ZBTB20: variants seen among roughly 807,000 people sequenced by gnomAD.
ZBTB20 encodes the protein zinc finger and BTB domain containing 20, also known as zinc finger and BTB domain-containing protein 20.
Under a neutral mutation model 56.9 loss-of-function variants are expected in ZBTB20, and 9 were observed. The observed-to-expected ratio is 0.16, with a 90% CI of 0.10 to 0.28. The LOEUF (loss-of-function observed/expected upper bound fraction) is 0.28. Ranked by LOEUF, ZBTB20 falls within the 10% of genes least tolerant of loss-of-function variation. The probability of loss-of-function intolerance (pLI) is 1.00; values close to 1 mark genes in which losing one functional copy is unlikely to be tolerated. For missense variants in ZBTB20, 655 were observed against 1,003.0 expected (o/e 0.65, Z 4.69); for synonymous variants, 417 against 420.7 (o/e 0.99, Z 0.11).
intron 10 of ZBTB20, among the ~76,000 whole-genome samples, chr3:114,368,722 G>C (rs2108415352): frequency 6.6e-6 from 1 of 152,366 alleles, no homozygotes; most frequent in East Asian, 1.9e-4. Flanking sequence ...CTCTGGAGCA[G>C]GGCTGGAAGT....
intron 10 of ZBTB20, among the ~76,000 whole-genome samples, chr3:114,358,280 C>T (rs571469471): frequency 1.3e-4 from 20 of 152,048 alleles, no homozygotes; most frequent in Non-Finnish European, 2.6e-4. Context: ...GCTGTCATAC[C>T]ACGAAGTTTT....
At chr3:114,396,011 C>A (rs1481378579) in intron 7 of ZBTB20, among the ~76,000 whole-genome samples, 4 of 152,000 alleles carry the variant, frequency 2.6e-5, no homozygotes, top group Admixed American at 6.6e-5. Context: ...AACACACACA[C>A]CCACACACCC....
chr3:114,380,396 G>A lies in ZBTB20; in HGVS notation c.20C>T (p.Pro7Leu). 2 of 1,524,966 alleles carry A rather than the reference G, an allele frequency of 1.3e-6. No individual in the cohort carries two copies. Among genetic ancestry groups the A allele is most frequent in the Non-Finnish European group, 1.8e-6 (2 of 1,141,190 alleles). 94.5% of individuals were successfully genotyped at this position (1,524,966 alleles called of 1,614,324 possible). MLERKK[P>L]KTAENQKASE... ...TGCCTTCTGGTTTTCAGCTGTCTTG[G>A]GTTTCTTCCTGAAAATAAACAAAGG... Residue 7 changes from proline (P) to leucine (L), a missense_variant, in exon 10 of 12, where the codon CCC (proline) becomes CTC (leucine). This residue lies in a region of ZBTB20 where 79 missense variants were observed against 78.4 expected (regional missense o/e 1.01). Coordinates refer to ENST00000675478, the MANE Select transcript of ZBTB20 (RefSeq NM_001348800.3).
In ZBTB20 at chr3:114,938,391, T is replaced by A. The variant is rs779497665; in HGVS notation, c.-456+35975A>T. Among the ~76,000 whole-genome samples, 10 of 146,094 alleles carry A rather than the reference T, an allele frequency of 6.8e-5. 1 individual carries two copies. Among genetic ancestry groups the A allele is most frequent in the African/African-American group, 1.4e-4 (5 of 35,818 alleles). On this transcript the variant is annotated intron_variant, in intron 3 of 11. Coordinates refer to ENST00000675478, the MANE Select transcript of ZBTB20 (RefSeq NM_001348800.3). ...GTATCACCTAGGTTTTCTTCTAGGGTTTTTATGGTTTTAGGTCTTACGTCT... is the reference window on the plus strand; with the variant it reads ...GTATCACCTAGGTTTTCTTCTAGGGATTTTATGGTTTTAGGTCTTACGTCT...
rs752992750 is a variant in ZBTB20 at position 115,106,827 on chromosome 3, G to C, written c.-702-35413C>G. 7.6e-4 allele frequency among the ~76,000 whole-genome samples: 116 copies of C among 152,102 alleles called. 3 individuals are homozygous for C. The highest frequency in any genetic ancestry group is 2.5e-4 in the Non-Finnish European group (17 of 68,022). On this transcript the variant is annotated intron_variant, in intron 1 of 11. Transcript: ENST00000675478. ...CTTCCCCTCTGCCCCCCAGAGCAGA[G>C]ACCCTACTTATTAAGCTTTGTTGGT...
At chr3:114,789,449 C>T (rs1032211059) in intron 5 of ZBTB20, among the ~76,000 whole-genome samples, 3 of 152,048 alleles carry the variant, frequency 2.0e-5, no homozygotes, top group African/African-American at 7.2e-5. Context: ...CAAAGCAGAA[C>T]ATCTGGGTGG....
At chr3:114,576,451 G>A (rs548069545) in intron 6 of ZBTB20, among the ~76,000 whole-genome samples, 1 of 127,778 alleles carries the variant, frequency 7.8e-6, no homozygotes, top group Non-Finnish European at 1.6e-5. Context: ...GCAGTGAGTC[G>A]AGATCGCGCC....
chr3:114,856,560 A>T (rs904660014), intron 4 of ZBTB20, among the ~76,000 whole-genome samples: 43 of 146,158 alleles, frequency 2.9e-4, no homozygotes, highest in Non-Finnish European at 4.2e-4. Flanking sequence ...AAAGAAAATT[A>T]AAAAAAGATA....
intron 5 of ZBTB20, among the ~76,000 whole-genome samples, chr3:114,733,313 TGGA>T (rs1289697344): frequency 6.6e-6 from 1 of 152,198 alleles, no homozygotes; most frequent in Non-Finnish European, 1.5e-5. Flanking sequence ...TAAGCCTACC[TGGA>T]TACCCAACGC....
chr3:114,846,834 C>T (rs547969672), intron 4 of ZBTB20, among the ~76,000 whole-genome samples: 2 of 152,086 alleles, frequency 1.3e-5, no homozygotes, highest in African/African-American at 4.8e-5. Flanking sequence ...TTGCATTTCT[C>T]ATAAAAGGAA....
intron 2 of ZBTB20, among the ~76,000 whole-genome samples, chr3:115,070,279 TTCC>T (rs752513916): frequency 0.015 from 2,338 of 152,278 alleles, 33 homozygotes; most frequent in South Asian, 0.05. Flanking sequence ...TAAAAAGTCT[TTCC>T]AAAGCACCAA....
chr3:114,423,674 T>C (rs2089388893), intron 7 of ZBTB20, among the ~76,000 whole-genome samples: 1 of 152,216 alleles, frequency 6.6e-6, no homozygotes, highest in South Asian at 2.1e-4. Flanking sequence ...AATTATTACA[T>C]ACTTCAGGAG....
At chr3:114,935,397 C>T (rs901046831) in intron 3 of ZBTB20, among the ~76,000 whole-genome samples, 2 of 152,128 alleles carry the variant, frequency 1.3e-5, no homozygotes, top group Non-Finnish European at 2.9e-5. Flanking sequence ...TGAAATTCCA[C>T]TCCAATTATT....
chr3:114,874,557 CT>C (rs1288537936), intron 4 of ZBTB20, among the ~76,000 whole-genome samples: 1 of 152,162 alleles, frequency 6.6e-6, no homozygotes, highest in Non-Finnish European at 1.5e-5. Context: ...ACATAAAACC[CT>C]TATTGTCATA....
At chr3:115,086,042 A>G (rs1478585013) in intron 1 of ZBTB20, among the ~76,000 whole-genome samples, 1 of 151,908 alleles carries the variant, frequency 6.6e-6, no homozygotes, top group Non-Finnish European at 1.5e-5. Context: ...CTTCAGCAGT[A>G]ATTTCTTAGA....
chr3:114,337,695 T>C lies in ZBTB20; in HGVS notation c.*1310A>G, dbSNP rs1370373793. Reference sequence around the variant, plus strand: ...TTAAAATAATAAAAATTAAGAAAAATTAAAAAAAATATGAAGAAAATATCC... The same window carrying C: ...TTAAAATAATAAAAATTAAGAAAAACTAAAAAAAATATGAAGAAAATATCC... On this transcript the variant is annotated 3_prime_UTR_variant, in exon 12 of 12. Coordinates refer to ENST00000675478, the MANE Select transcript of ZBTB20 (RefSeq NM_001348800.3). The C allele has an allele frequency of 1.3e-5, 2 of 151,816 alleles. No homozygotes were observed. The highest frequency in any genetic ancestry group is 4.8e-5 in the African/African-American group (2 of 41,360). 9.4% of individuals were successfully genotyped at this position (151,816 alleles called of 1,614,324 possible).
intron 1 of ZBTB20, among the ~76,000 whole-genome samples, chr3:115,089,755 T>C (rs563132036): frequency 3.1e-4 from 47 of 151,952 alleles, no homozygotes; most frequent in African/African-American, 1.0e-3. Context: ...TGCAACAAAG[T>C]TGTTGTATGC....
intron 2 of ZBTB20, among the ~76,000 whole-genome samples, chr3:114,990,501 T>A (rs1236497273): frequency 6.6e-6 from 1 of 152,222 alleles, no homozygotes; most frequent in Non-Finnish European, 1.5e-5. Flanking sequence ...TGGATTCGGT[T>A]TGCCAGTATT....
intron 4 of ZBTB20, among the ~76,000 whole-genome samples, chr3:114,883,041 G>A (rs1481263863): frequency 6.6e-6 from 1 of 152,094 alleles, no homozygotes; most frequent in Non-Finnish European, 1.5e-5. Context: ...TTCCTCATTT[G>A]TAAAATAATA....
Sources: allele counts gnomAD v4.1 joint callset (sites outside exome capture counted in the v4.1 genomes callset), GRCh38; gene constraint gnomAD v4.1.1; regional missense constraint gnomAD v4.1.1; transcripts MANE v1.5; gene names NCBI Gene and HGNC (gene_info 2026-07-23, HGNC 2026-07-21).